The following ST6GALNAC5 variants were observed in gnomAD, a reference collection of about 807,000 sequenced individuals.
ST6GALNAC5 encodes alpha-N-acetylgalactosaminide alpha-2,6-sialyltransferase 5.
Under a neutral mutation model 33.6 loss-of-function variants are expected in ST6GALNAC5, and 27 were observed. That is an observed-to-expected ratio of 0.80 (90% confidence interval 0.59 to 1.11). ST6GALNAC5 has a LOEUF of 1.11. Ranked by LOEUF, ST6GALNAC5 falls within the 50% of genes least tolerant of loss-of-function variation. The probability of loss-of-function intolerance (pLI) is 0.00; values close to 1 mark genes in which losing one functional copy is unlikely to be tolerated. For synonymous variants in ST6GALNAC5, 194 were observed against 171.2 expected, an observed-to-expected ratio of 1.13 and a Z score of -1.04; for missense variants, 428 against 454.0, an observed-to-expected ratio of 0.94 and a Z score of 0.52.
At chr1:77,050,729 G>A (rs1367282077) in intron 4 of ST6GALNAC5, among the ~76,000 whole-genome samples, 2 of 152,202 alleles carry the variant, frequency 1.3e-5, no homozygotes, top group Non-Finnish European at 2.9e-5. Flanking sequence ...ATTAAAGAGA[G>A]CAATTCCTTT....
At chr1:76,982,670 A>C (rs12568378) in intron 2 of ST6GALNAC5, among the ~76,000 whole-genome samples, 53,162 of 152,050 alleles carry the variant, frequency 0.35, 11,076 homozygotes, top group Non-Finnish European at 0.45. Context: ...GAACACCACA[A>C]AGATATTCCT....
chr1:76,985,088 G>A (rs1238246356), intron 2 of ST6GALNAC5, among the ~76,000 whole-genome samples: 2 of 152,058 alleles, frequency 1.3e-5, no homozygotes, highest in African/African-American at 2.4e-5. Context: ...GGAAGCATTC[G>A]CTTTGAAAAC....
chr1:77,052,030 C>A (rs952466312), intron 4 of ST6GALNAC5, among the ~76,000 whole-genome samples: 1 of 152,138 alleles, frequency 6.6e-6, no homozygotes, highest in Non-Finnish European at 1.5e-5. Context: ...ACGGTAGGAT[C>A]GAAACAATTT....
chr1:76,916,150 ACTCCT>A (rs1646972207), intron 2 of ST6GALNAC5, among the ~76,000 whole-genome samples: 2 of 151,892 alleles, frequency 1.3e-5, no homozygotes, highest in Admixed American at 1.3e-4. Context: ...GATTGAAAGC[ACTCCT>A]GTACCTCGGT....
intron 2 of ST6GALNAC5, among the ~76,000 whole-genome samples, chr1:76,899,451 C>G (rs1646793684): frequency 6.6e-6 from 1 of 151,786 alleles, no homozygotes; most frequent in Non-Finnish European, 1.5e-5. Context: ...GGTCGGGGCA[C>G]AGAAATAACG....
intron 2 of ST6GALNAC5, among the ~76,000 whole-genome samples, chr1:76,901,160 T>C (rs1646814011): frequency 6.6e-6 from 1 of 152,236 alleles, no homozygotes; most frequent in Admixed American, 6.5e-5. Context: ...GGTAAATTTA[T>C]ACACATCAAC....
At chr1:77,057,281 G>A (rs995436837) in intron 4 of ST6GALNAC5, among the ~76,000 whole-genome samples, 1 of 152,112 alleles carries the variant, frequency 6.6e-6, no homozygotes, top group African/African-American at 2.4e-5. Flanking sequence ...TCACACTATA[G>A]GAGAGAAAAA....
At chr1:76,970,047 T>G (rs858597) in intron 2 of ST6GALNAC5, among the ~76,000 whole-genome samples, 82,872 of 151,478 alleles carry the variant, frequency 0.55, 23,806 homozygotes, top group African/African-American at 0.73. Flanking sequence ...CCCATCTGTA[T>G]GTCACCAACA....
intron 2 of ST6GALNAC5, among the ~76,000 whole-genome samples, chr1:76,967,519 C>T (rs983204650): frequency 6.6e-6 from 1 of 152,134 alleles, no homozygotes; most frequent in African/African-American, 2.4e-5. Context: ...TTTTGTTAAT[C>T]TTTTCAAAAA....
intron 2 of ST6GALNAC5, among the ~76,000 whole-genome samples, chr1:76,893,094 G>A (rs540588028): frequency 1.3e-5 from 2 of 152,282 alleles, no homozygotes; most frequent in Admixed American, 1.3e-4. Context: ...CGTCTTGGCA[G>A]GCATAAGGAG....
intron 2 of ST6GALNAC5, among the ~76,000 whole-genome samples, chr1:76,905,586 T>C (rs1557717212): frequency 6.6e-6 from 1 of 152,240 alleles, no homozygotes; most frequent in East Asian, 1.9e-4. Flanking sequence ...CAGGACACTG[T>C]TCTTCAAATG....
chr1:76,959,765 C>A (rs1397231141), intron 2 of ST6GALNAC5, among the ~76,000 whole-genome samples: 1 of 152,120 alleles, frequency 6.6e-6, no homozygotes, highest in East Asian at 1.9e-4. Context: ...TGGCTTATGC[C>A]CCAAATTCTC....
intron 2 of ST6GALNAC5, among the ~76,000 whole-genome samples, chr1:76,909,195 C>A (rs1646889568): frequency 2.0e-5 from 3 of 152,098 alleles, no homozygotes; most frequent in Non-Finnish European, 4.4e-5. Context: ...TGTTATTCAA[C>A]TTTGTATCCT....
intron 2 of ST6GALNAC5, among the ~76,000 whole-genome samples, chr1:76,874,304 T>C (rs528585845): frequency 6.6e-6 from 1 of 152,350 alleles, no homozygotes; most frequent in Non-Finnish European, 1.5e-5. Flanking sequence ...CATAGGGTCT[T>C]CTGCACTTGT....
intron 2 of ST6GALNAC5, among the ~76,000 whole-genome samples, chr1:76,870,086 G>A (rs1180698398): frequency 1.3e-5 from 2 of 152,186 alleles, no homozygotes; most frequent in Non-Finnish European, 2.9e-5. Context: ...TGTGGCAGGA[G>A]CAGGGGTTGG....
In ST6GALNAC5 at chr1:77,025,261, G is replaced by A. The variant is rs148987733; in HGVS notation, c.262-18943G>A. ...CTGTTAAAAATGGATCATGGAGCCC[G>A]TGTGCTCACGCTTGTAATTCCAGAA... On this transcript the variant is annotated intron_variant, in intron 2 of 4. Coordinates refer to ENST00000477717, the MANE Select transcript of ST6GALNAC5 (RefSeq NM_030965.3). Among the ~76,000 whole-genome samples, 59 of 152,300 alleles carry A rather than the reference G, an allele frequency of 3.9e-4. No individual in the cohort carries two copies. The East Asian group carries it at 6.0e-3, about 15-fold the overall frequency.
intron 2 of ST6GALNAC5, among the ~76,000 whole-genome samples, chr1:76,935,103 C>T (rs1647187416): frequency 6.6e-6 from 1 of 151,924 alleles, no homozygotes; most frequent in Non-Finnish European, 1.5e-5. Flanking sequence ...GTATATTAGC[C>T]TGAGCTTAGC....
At chr1:76,989,762 C>T (rs1649651667) in intron 2 of ST6GALNAC5, among the ~76,000 whole-genome samples, 1 of 152,054 alleles carries the variant, frequency 6.6e-6, no homozygotes, top group Non-Finnish European at 1.5e-5. Context: ...TTTGGCCTTG[C>T]TTCTTCTTTT....
chr1:77,039,644 A>G (rs1260917290), intron 2 of ST6GALNAC5, among the ~76,000 whole-genome samples: 1 of 152,176 alleles, frequency 6.6e-6, no homozygotes, highest in Non-Finnish European at 1.5e-5. Flanking sequence ...TAATTAAATG[A>G]TTTTTCTTAT....
Sources: gnomAD v4.1 joint callset for allele counts (sites outside exome capture counted in the v4.1 genomes callset) on GRCh38, gnomAD v4.1.1 for gene constraint, MANE v1.5 for transcripts, NCBI Gene and HGNC (gene_info 2026-07-23, HGNC 2026-07-21) for gene names.